Variants in PCDH7 observed in about 807,000 individuals in gnomAD.
PCDH7 encodes protocadherin-7.
In PCDH7, 17 loss-of-function variants were observed where a neutral mutation model predicts 58.9. The ratio of observed to expected loss-of-function variants is 0.29; its 90% CI spans 0.20 to 0.43. PCDH7 has a LOEUF of 0.43. Ranked by LOEUF, PCDH7 falls within the 20% of genes least tolerant of loss-of-function variation. The probability of loss-of-function intolerance (pLI) is 1.00; values close to 1 mark genes in which losing one functional copy is unlikely to be tolerated. For synonymous variants in PCDH7, 664 were observed against 616.4 expected (o/e 1.08, Z -1.14); for missense variants, 1,274 against 1,441.0 (o/e 0.88, Z 1.88).
chr4:30,961,622 C>G lies in PCDH7; in HGVS notation c.*7+11407C>G, dbSNP rs144059092. ...TAGTTTGATTATAATCAAAACATAT[C>G]TAAATATATCAAAAGTATAGCCCTC... On this transcript the variant is annotated intron_variant, in intron 3 of 3. Transcript: ENST00000509759. Among the ~76,000 whole-genome samples the G allele has an allele frequency of 4.5e-4, 68 of 152,242 alleles. 2 individuals carry two copies. In the East Asian group the frequency reaches 0.013, roughly 29 times the overall value.
chr4:30,930,269 C>G (rs1237533652), intron 2 of PCDH7, among the ~76,000 whole-genome samples: 1 of 152,048 alleles, frequency 6.6e-6, no homozygotes, highest in Non-Finnish European at 1.5e-5. Flanking sequence ...TGGGAGATAC[C>G]AAAGATACCT....
At chr4:31,116,662 G>A (rs1326441927) in intron 3 of PCDH7, among the ~76,000 whole-genome samples, 1 of 152,166 alleles carries the variant, frequency 6.6e-6, no homozygotes, top group African/African-American at 2.4e-5. Context: ...AATACAGGAA[G>A]TTGAGTAGGA....
chr4:30,762,462 G>A (rs997837745), intron 1 of PCDH7, among the ~76,000 whole-genome samples: 5 of 152,052 alleles, frequency 3.3e-5, no homozygotes, highest in Non-Finnish European at 5.9e-5. Flanking sequence ...TTATTTGTCG[G>A]AAGTTATTTA....
At chr4:30,970,296 C>CT (rs144330919) in intron 3 of PCDH7, among the ~76,000 whole-genome samples, 22,457 of 145,782 alleles carry the variant, frequency 0.15, 1,776 homozygotes, top group Non-Finnish European at 0.17. Flanking sequence ...TGAATGATAC[C>CT]TTTTTTTTTT....
chr4:30,721,353 C>G lies in PCDH7; in HGVS notation c.-70C>G. On this transcript the variant is annotated 5_prime_UTR_variant, in exon 1 of 2. Coordinates refer to ENST00000361762, the Ensembl canonical transcript of PCDH7. The surrounding 1 kb of genome is among the most constrained non-coding windows in gnomAD (Gnocchi z 6.7). ...GAGGACTCGGGGGAGGGCAGGCGGC[C>G]GGCCCCGGAGGAGGGGGGCGCCGAG... is the stretch of plus-strand genomic sequence containing the variant. 1 of 1,387,620 alleles carries G rather than the reference C, an allele frequency of 7.2e-7. No homozygotes were observed. Among genetic ancestry groups the G allele is most frequent in the Non-Finnish European group, 9.4e-7 (1 of 1,058,518 alleles). 86.0% of individuals were successfully genotyped at this position (1,387,620 alleles called of 1,614,324 possible). A position where few individuals can be genotyped will look rare whatever the true frequency, so the allele number is the denominator to read the frequency against.
chr4:30,725,970 A>C (rs1333084079), intron 1 of PCDH7, among the ~76,000 whole-genome samples: 1 of 152,126 alleles, frequency 6.6e-6, no homozygotes, highest in Non-Finnish European at 1.5e-5. Flanking sequence ...AATGCAATCC[A>C]AGAAAACACC....
At chr4:30,867,782 C>A (rs750661351) in intron 1 of PCDH7, among the ~76,000 whole-genome samples, 2 of 152,060 alleles carry the variant, frequency 1.3e-5, no homozygotes, top group African/African-American at 2.4e-5. Flanking sequence ...AAATAGCATT[C>A]ATTTTTCATT....
At chr4:30,763,622 T>C (rs1468625634) in intron 1 of PCDH7, among the ~76,000 whole-genome samples, 1 of 152,218 alleles carries the variant, frequency 6.6e-6, no homozygotes, top group Non-Finnish European at 1.5e-5. Context: ...AATCCCACAG[T>C]GCTCTGTTAG....
chr4:30,959,979 C>A (rs1392998089), intron 3 of PCDH7, among the ~76,000 whole-genome samples: 1 of 151,960 alleles, frequency 6.6e-6, no homozygotes, highest in Non-Finnish European at 1.5e-5. Context: ...TCTAACCACT[C>A]TGTATTCTAT....
intron 1 of PCDH7, among the ~76,000 whole-genome samples, chr4:30,788,810 G>A (rs1723749352): frequency 6.6e-6 from 1 of 152,096 alleles, no homozygotes; most frequent in Non-Finnish European, 1.5e-5. Flanking sequence ...CCAGACATGA[G>A]GGACACATTT....
chr4:31,142,621 T>C (rs760212868), exon 4 of PCDH7: 2 of 1,367,758 alleles, frequency 1.5e-6, no homozygotes, highest in African/African-American at 1.5e-5. Context: ...TCATGCCTGT[T>C]GATGAACGAG....
chr4:30,810,772 G>A (rs1231104450), intron 1 of PCDH7, among the ~76,000 whole-genome samples: 5 of 151,696 alleles, frequency 3.3e-5, no homozygotes, highest in Non-Finnish European at 5.9e-5. Flanking sequence ...CACCACACCC[G>A]GCTAATTTTT....
chr4:30,721,525 C>A lies in PCDH7; in HGVS notation c.103C>A (p.Arg35=), dbSNP rs374863458. 7.5e-6 allele frequency: 12 copies of A among 1,601,560 alleles called. No homozygotes were observed. In the African/African-American group the frequency reaches 1.6e-4, roughly 21 times the overall value. ...CCTGGCGGCCGCCAAGCAGCTCCTC[C>A]GGTACCGGCTGGCCGAGGAGGGCCC... The change falls in exon 1 of 2, where the codon CGG becomes AGG. Residue 35 remains arginine, a synonymous_variant. Coordinates refer to ENST00000361762, the Ensembl canonical transcript of PCDH7. The surrounding 1 kb of genome is among the most constrained non-coding windows in gnomAD (Gnocchi z 6.7).
At chr4:30,803,886 T>C (rs1725848435) in intron 1 of PCDH7, among the ~76,000 whole-genome samples, 1 of 152,226 alleles carries the variant, frequency 6.6e-6, no homozygotes, top group South Asian at 2.1e-4. Flanking sequence ...TCCAAGAGAA[T>C]GTCCCACTTC....
At chr4:30,798,571 C>T (rs1035131280) in intron 1 of PCDH7, among the ~76,000 whole-genome samples, 10 of 152,118 alleles carry the variant, frequency 6.6e-5, no homozygotes, top group Admixed American at 5.9e-4. Context: ...GGCACAAAGA[C>T]ATTTTGTGAA....
chr4:30,743,445 C>G (rs367986217), intron 1 of PCDH7, among the ~76,000 whole-genome samples: 1 of 150,572 alleles, frequency 6.6e-6, no homozygotes, highest in African/African-American at 2.4e-5. Flanking sequence ...TTTTTTATCA[C>G]TTAAGCTGGT....
At chr4:30,987,957 G>A (rs1331648052) in intron 3 of PCDH7, 1 of 152,070 alleles carries the variant, frequency 6.6e-6, no homozygotes, top group Admixed American at 6.6e-5. Flanking sequence ...TACTGCAAAT[G>A]GTGGTCACTC....
chr4:30,953,785 A>G (rs1747583366), intron 3 of PCDH7, among the ~76,000 whole-genome samples: 1 of 152,122 alleles, frequency 6.6e-6, no homozygotes, highest in Non-Finnish European at 1.5e-5. Context: ...CCTGAGGTGA[A>G]TCTTTGCCTA....
At chr4:30,911,569 G>A (rs868469284) in intron 1 of PCDH7, among the ~76,000 whole-genome samples, 1 of 152,112 alleles carries the variant, frequency 6.6e-6, no homozygotes. Context: ...ACAATATAGA[G>A]GAACCACAAT....
Sources: gnomAD v4.1 joint callset for allele counts (sites outside exome capture counted in the v4.1 genomes callset) on GRCh38, gnomAD v4.1.1 for gene constraint, Gnocchi (gnomAD v3.1) non-coding constraint, MANE v1.5 for transcripts, NCBI Gene and HGNC (gene_info 2026-07-23, HGNC 2026-07-21) for gene names.